The following CACNG2 variants were observed in gnomAD, a reference collection of about 807,000 sequenced individuals.
CACNG2 encodes the protein voltage-dependent calcium channel gamma-2 subunit.
CACNG2 carries 3 observed loss-of-function variants against 25.9 expected under a neutral mutation model. The observed-to-expected ratio is 0.12, with a 90% confidence interval of 0.05 to 0.30. The LOEUF is 0.30. Among genes scored for constraint, CACNG2 ranks in the 10% least tolerant of loss-of-function variants. The probability of loss-of-function intolerance (pLI) is 1.00; values close to 1 mark genes in which losing one functional copy is unlikely to be tolerated. For synonymous variants in CACNG2, 167 were observed against 173.3 expected (o/e 0.96, Z 0.29); for missense variants, 341 against 432.5 (o/e 0.79, Z 1.88).
chr22:36,680,342 TCATCAC>T (rs1937090404), intron 1 of CACNG2, among the ~76,000 whole-genome samples: 1 of 91,752 alleles, frequency 1.1e-5, no homozygotes, highest in Non-Finnish European at 2.3e-5. Flanking sequence ...GCCATCACCA[TCATCAC>T]TACCACCATC....
chr22:36,599,209 T>C (rs1935719274), intron 1 of CACNG2, among the ~76,000 whole-genome samples: 1 of 152,180 alleles, frequency 6.6e-6, no homozygotes, highest in Non-Finnish European at 1.5e-5. Context: ...TGAAAGTTAG[T>C]GAATTACAGC....
chr22:36,654,847 T>C (rs1361854921), intron 1 of CACNG2, among the ~76,000 whole-genome samples: 3 of 152,176 alleles, frequency 2.0e-5, no homozygotes, highest in Non-Finnish European at 4.4e-5. Flanking sequence ...AGGCAAATGT[T>C]TTGGGACGTA....
chr22:36,607,990 G>A (rs1046165976), intron 1 of CACNG2, among the ~76,000 whole-genome samples: 1 of 152,138 alleles, frequency 6.6e-6, no homozygotes, highest in Middle Eastern at 3.2e-3. Context: ...AAAATTTAAG[G>A]AGTCCCGTAA....
intron 1 of CACNG2, among the ~76,000 whole-genome samples, chr22:36,696,616 A>G (rs1179586667): frequency 6.6e-6 from 1 of 152,188 alleles, no homozygotes; most frequent in South Asian, 2.1e-4. Context: ...CCCTGCCCTC[A>G]TGGAGCTGAC....
At chr22:36,570,027 C>T (rs1159080967) in intron 2 of CACNG2, among the ~76,000 whole-genome samples, 1 of 152,202 alleles carries the variant, frequency 6.6e-6, no homozygotes, top group East Asian at 1.9e-4. Flanking sequence ...AAAGTGGGGT[C>T]TTACTACCCA....
intron 1 of CACNG2, among the ~76,000 whole-genome samples, chr22:36,590,858 T>C (rs1935580530): frequency 6.6e-6 from 1 of 152,040 alleles, no homozygotes; most frequent in South Asian, 2.1e-4. Flanking sequence ...CTCTGCCTTC[T>C]TTCCTGCCAT....
intron 1 of CACNG2, among the ~76,000 whole-genome samples, chr22:36,642,481 A>G (rs182315067): frequency 1.3e-5 from 2 of 152,336 alleles, no homozygotes; most frequent in East Asian, 3.9e-4. Context: ...TACATGGTAC[A>G]GCTCCACCCA....
intron 1 of CACNG2, among the ~76,000 whole-genome samples, chr22:36,619,439 G>A (rs1936073248): frequency 6.6e-6 from 1 of 152,206 alleles, no homozygotes; most frequent in African/African-American, 2.4e-5. Context: ...AATGAACAAT[G>A]TTGATTGAAT....
intron 1 of CACNG2, among the ~76,000 whole-genome samples, chr22:36,648,833 CT>C (rs1936567196): frequency 6.6e-6 from 1 of 152,126 alleles, no homozygotes; most frequent in Admixed American, 6.6e-5. Context: ...TGTCTTAACA[CT>C]GTCCCTTTTC....
Position 36,625,449 on chromosome 22 carries a change from AC to A in CACNG2, c.212-37902del, listed in dbSNP as rs1461837256. On this transcript the variant is annotated intron_variant, in intron 1 of 3. Transcript: ENST00000300105. ...GGGTCCTTCAGGGCAGGGCACTGCT[AC>A]CCCTTCTTTGCTTTGGTTGGTGTCC... 2.6e-5 allele frequency among the ~76,000 whole-genome samples: 4 copies of A among 152,182 alleles called. No homozygotes were observed. The South Asian group carries it at 8.3e-4, about 32-fold the overall frequency.
intron 1 of CACNG2, among the ~76,000 whole-genome samples, chr22:36,602,474 C>T (rs1045806279): frequency 1.3e-5 from 2 of 152,096 alleles, no homozygotes; most frequent in Non-Finnish European, 2.9e-5. Context: ...CAACCTTTGC[C>T]TCCTAGGTTC....
intron 1 of CACNG2, among the ~76,000 whole-genome samples, chr22:36,698,642 A>T (rs2146021078): frequency 6.6e-6 from 1 of 152,344 alleles, no homozygotes; most frequent in African/African-American, 2.4e-5. Context: ...GTGAGCAAGC[A>T]GCCTGGTGGG....
chr22:36,564,169 T>C lies in CACNG2; in HGVS notation c.*182A>G. ...TTTTGTTCTTTTTTTTAAAATTTACTTGTTATGTTTTTTCTCTTTTTTTGT... is the reference window on the plus strand; with the variant it reads ...TTTTGTTCTTTTTTTTAAAATTTACCTGTTATGTTTTTTCTCTTTTTTTGT... On this transcript the variant is annotated 3_prime_UTR_variant, in exon 4 of 4. Coordinates refer to ENST00000300105, the MANE Select transcript of CACNG2 (RefSeq NM_006078.5). The surrounding 1 kb of genome is among the most constrained non-coding windows in gnomAD (Gnocchi z 6.7). The C allele has an allele frequency of 2.0e-6, 1 of 493,202 alleles. No individual in the cohort carries two copies. The highest frequency in any genetic ancestry group is 3.5e-6 in the Non-Finnish European group (1 of 287,082). The allele number at this position is 493,202 out of a possible 1,614,324, so 30.6% of individuals were successfully genotyped here.
At chr22:36,588,555 C>T (rs533398186) in intron 1 of CACNG2, among the ~76,000 whole-genome samples, 3 of 152,338 alleles carry the variant, frequency 2.0e-5, no homozygotes, top group South Asian at 4.1e-4. Context: ...GTCCTTTAAC[C>T]TTCTCTGAAT....
Position 36,594,682 on chromosome 22 carries a change from CGTGTGTGTCTGT to C in CACNG2, c.212-7146_212-7135del, listed in dbSNP as rs573436381. ...GCAGGGAGGGGTCCGTGTATGCCCG[CGTGTGTGTCTGT>C]GTGTGTGTCTGTGTGTGTGTGCATG... is the stretch of plus-strand genomic sequence containing the variant. On this transcript the variant is annotated intron_variant, in intron 1 of 3. Coordinates refer to ENST00000300105, the MANE Select transcript of CACNG2 (RefSeq NM_006078.5). Among the ~76,000 whole-genome samples the C allele has an allele frequency of 3.2e-4, 49 of 151,592 alleles. 1 individual carries two copies. The highest frequency in any genetic ancestry group is 8.4e-4 in the South Asian group (4 of 4,780).
intron 1 of CACNG2, among the ~76,000 whole-genome samples, chr22:36,657,111 T>C (rs1394361425): frequency 1.3e-5 from 2 of 152,188 alleles, no homozygotes; most frequent in African/African-American, 4.8e-5. Flanking sequence ...TTGGGTTGCT[T>C]CCATGTGGCA....
chr22:36,683,516 A>G (rs1371512281), intron 1 of CACNG2, among the ~76,000 whole-genome samples: 6 of 152,104 alleles, frequency 3.9e-5, no homozygotes, highest in African/African-American at 7.2e-5. Context: ...AAATACCCCA[A>G]ATCCTTTTTG....
intron 1 of CACNG2, among the ~76,000 whole-genome samples, chr22:36,669,615 G>A (rs1936922201): frequency 6.6e-6 from 1 of 150,856 alleles, no homozygotes; most frequent in African/African-American, 2.4e-5. Flanking sequence ...TTGTGTGTTT[G>A]TGCATGTACG....
intron 1 of CACNG2, among the ~76,000 whole-genome samples, chr22:36,652,758 G>A (rs1936639521): frequency 6.6e-6 from 1 of 152,118 alleles, no homozygotes; most frequent in East Asian, 1.9e-4. Context: ...CAGGTGCTCA[G>A]TAATGTTGCT....
Sources: allele counts gnomAD v4.1 joint callset (sites outside exome capture counted in the v4.1 genomes callset), GRCh38; gene constraint gnomAD v4.1.1; non-coding constraint Gnocchi (gnomAD v3.1); transcripts MANE v1.5; gene names NCBI Gene and HGNC (gene_info 2026-07-23, HGNC 2026-07-21).